Variants in PLCH2 observed in about 807,000 individuals in gnomAD.
PLCH2 encodes the protein 1-phosphatidylinositol 4,5-bisphosphate phosphodiesterase eta-2.
PLCH2 carries 98 observed loss-of-function variants against 134.7 expected under a neutral mutation model. The ratio of observed to expected loss-of-function variants is 0.73; its 90% CI spans 0.62 to 0.86. PLCH2 has a LOEUF of 0.86. PLCH2 is among the 40% of genes least tolerant of loss of function. PLCH2 has a pLI of 0.00. For synonymous variants in PLCH2, 974 were observed against 827.5 expected (o/e 1.18, Z -3.04); for missense variants, 1,994 against 1,986.6 (o/e 1.00, Z -0.07).
At chr1:2,432,653 G>A (rs1022064984) in intron 2 of PLCH2, among the ~76,000 whole-genome samples, 17 of 152,290 alleles carry the variant, frequency 1.1e-4, no homozygotes, top group African/African-American at 1.9e-4. Context: ...GAGGGTCTGA[G>A]CTGCCCAGAC....
rs143400582 is a variant in PLCH2 at position 2,504,832 on chromosome 1, G to A, written c.3870G>A (p.Ser1290=). ...TCCCGGGAGGGACACGGCGGGTGTC[G>A]GGGCCAGGGGTGAGACGGGACACCC... is the stretch of plus-strand genomic sequence containing the variant. ...LGLPGGTRRV[S]GPGVRRDTLT... is the part of the protein sequence containing the mutation. Residue 1290 remains serine (S), a synonymous_variant, in exon 22 of 22, where the codon TCG becomes TCA. Coordinates refer to ENST00000378486, the MANE Select transcript of PLCH2 (RefSeq NM_014638.4). 6.5e-3 allele frequency: 10,441 copies of A among 1,607,114 alleles called. 43 individuals carry two copies. Among genetic ancestry groups the A allele is most frequent in the Non-Finnish European group, 7.9e-3 (9,336 of 1,177,586 alleles).
chr1:2,440,767 TCA>T lies in PLCH2; in HGVS notation c.115+10141_115+10142del, dbSNP rs1171335575. Reference sequence around the variant, plus strand: ...CTCTGGCTCAGGATGGAGATTTCTTTCACAGTTTCCAATTTGCGTTTCGGTTT... The same window carrying T: ...CTCTGGCTCAGGATGGAGATTTCTTTCAGTTTCCAATTTGCGTTTCGGTTT... On this transcript the variant is annotated intron_variant, in intron 2 of 3. Coordinates refer to the PLCH2 transcript ENST00000609981. 1.3e-5 allele frequency among the ~76,000 whole-genome samples: 2 copies of T among 152,370 alleles called. 1 individual carries two copies. The highest frequency in any genetic ancestry group is 4.1e-4 in the South Asian group (2 of 4,830).
Position 2,504,692 on chromosome 1 carries a change from G to C in PLCH2, c.3730G>C (p.Gly1244Arg), listed in dbSNP as rs753818730. The change falls in exon 22 of 22, where the codon GGC becomes CGC. Residue 1244 changes from glycine (G) to arginine (R), a missense_variant. This residue lies in a region of PLCH2 where 900 missense variants were observed against 752.3 expected (regional missense o/e 1.20). Coordinates refer to ENST00000378486, the MANE Select transcript of PLCH2 (RefSeq NM_014638.4). ...RPPWGCLSLV[G>R]VQDCPVAAKS... ...TCCCTGGGGCTGCCTTTCCCTGGTG[G>C]GCGTGCAGGACTGCCCCGTGGCTGC... The C allele has an allele frequency of 5.6e-6, 9 of 1,612,536 alleles. No homozygotes were observed. The East Asian group carries it at 2.0e-4, about 36-fold the overall frequency.
At position 2,433,742 on chromosome 1, in the gene PLCH2, A is replaced by G. The variant is rs991677578; in HGVS notation, c.115+3113A>G. On this transcript the variant is annotated intron_variant, in intron 2 of 3. Transcript: ENST00000609981. ...GAAAATACAGAAAAAGACAAGGGAG[A>G]AAATCAGACCAGCCATTGCCATCCA... Among the ~76,000 whole-genome samples, 25 of 152,194 alleles carry G rather than the reference A, an allele frequency of 1.6e-4. 1 individual carries two copies. The highest frequency in any genetic ancestry group is 3.4e-4 in the Non-Finnish European group (23 of 68,030).
At position 2,448,122 on chromosome 1, in the gene PLCH2, C is replaced by T. The variant is rs987899657; in HGVS notation, c.115+17493C>T. On this transcript the variant is annotated intron_variant, in intron 2 of 3. Coordinates refer to the PLCH2 transcript ENST00000609981. The surrounding 1 kb of genome is among the most constrained non-coding windows in gnomAD (Gnocchi z 4.0). Reference sequence around the variant, plus strand: ...ACCCTTGTCAGGAACGCTTTGCTGACAGCTGGGCTGCCCTTGCCCTCCTGG... The same window carrying T: ...ACCCTTGTCAGGAACGCTTTGCTGATAGCTGGGCTGCCCTTGCCCTCCTGG... 6.6e-6 allele frequency among the ~76,000 whole-genome samples: 1 copy of T among 152,224 alleles called. No homozygotes were observed. The highest frequency in any genetic ancestry group is 1.5e-5 in the Non-Finnish European group (1 of 68,034).
Position 2,499,527 on chromosome 1 carries a change from G to A in PLCH2, c.2582-114G>A, listed in dbSNP as rs943506365. On this transcript the variant is annotated intron_variant, in intron 19 of 21. Transcript: ENST00000378486. Reference sequence around the variant, plus strand: ...CACAGGAGGCAGAGGCCCCAGGCCTGGGCTTGTTGGGTGTATCTGGGGTCT... The same window carrying A: ...CACAGGAGGCAGAGGCCCCAGGCCTAGGCTTGTTGGGTGTATCTGGGGTCT... The A allele has an allele frequency of 6.8e-5, 56 of 826,374 alleles. No individual in the cohort carries two copies. The Admixed American group carries it at 1.1e-3, about 16-fold the overall frequency. The allele number at this position is 826,374 out of a possible 1,614,324, so 51.2% of individuals were successfully genotyped here.
chr1:2,480,161 TG>T (rs1329577088), intron 3 of PLCH2, 21 bp from the exon 4 acceptor site: 1 of 1,612,338 alleles, frequency 6.2e-7, no homozygotes, highest in Non-Finnish European at 8.5e-7. Context: ...GGATCGCTGT[TG>T]GCCCCTAACT....
chr1:2,490,663 C>T (rs901826250), intron 10 of PLCH2, among the ~76,000 whole-genome samples: 9 of 152,368 alleles, frequency 5.9e-5, no homozygotes, highest in Middle Eastern at 3.4e-3. Context: ...GTGCGGCACA[C>T]GCCTCTGTGT....
chr1:2,474,998 C>T (rs970696355), upstream of PLCH2, among the ~76,000 whole-genome samples: 5 of 152,200 alleles, frequency 3.3e-5, no homozygotes, highest in South Asian at 2.1e-4. Context: ...TCTAATTCCA[C>T]GGCAGAGCCC....
At chr1:2,470,094 T>C (rs1641254688) in intron 1 of PLCH2, among the ~76,000 whole-genome samples, 1 of 152,204 alleles carries the variant, frequency 6.6e-6, no homozygotes, top group South Asian at 2.1e-4. Context: ...GGCCACACTG[T>C]CCTGGGAGTA....
At chr1:2,436,976 C>A (rs1639452992) in intron 2 of PLCH2, among the ~76,000 whole-genome samples, 1 of 152,192 alleles carries the variant, frequency 6.6e-6, no homozygotes, top group Non-Finnish European at 1.5e-5. Context: ...TGGGGGTGAG[C>A]ATGGGGACCT....
chr1:2,449,322 C>G (rs1640088818), intron 2 of PLCH2, among the ~76,000 whole-genome samples: 1 of 152,158 alleles, frequency 6.6e-6, no homozygotes, highest in African/African-American at 2.4e-5. Flanking sequence ...GAAACCCTGT[C>G]TCTACTCAAA....
chr1:2,490,918 A>G (rs901896911), intron 10 of PLCH2, among the ~76,000 whole-genome samples: 2 of 152,182 alleles, frequency 1.3e-5, no homozygotes, highest in African/African-American at 4.8e-5. Context: ...GGGACTCCAG[A>G]CCCTGTGCCG....
At chr1:2,442,709 C>T (rs1276383199) in intron 2 of PLCH2, among the ~76,000 whole-genome samples, 1 of 152,228 alleles carries the variant, frequency 6.6e-6, no homozygotes, top group Non-Finnish European at 1.5e-5. Context: ...TGTGGCTTCC[C>T]TCTAAGGCTG....
At chr1:2,497,773 G>A (rs1570477981) in intron 16 of PLCH2, 164 bp downstream of exon 16, 1 of 557,196 alleles carries the variant, frequency 1.8e-6, no homozygotes, top group Admixed American at 3.0e-5. Flanking sequence ...CAGGATGCTG[G>A]GGAGGTGGGT....
chr1:2,504,274 C>A lies in PLCH2; in HGVS notation c.3312C>A (p.Pro1104=), dbSNP rs368008129. The change falls in exon 22 of 22, where the codon CCC becomes CCA. Residue 1104 remains proline, a synonymous_variant. Transcript: ENST00000378486. ...GTGAGGGGCAGGTGCCCACGGAGCC[C>A]CTGGGAGGGTGGCGGCCCCTGGCCG... is the stretch of plus-strand genomic sequence containing the variant. ...VKSEGQVPTE[P]LGGWRPLAAP... is the part of the protein sequence containing the mutation. The A allele has an allele frequency of 1.9e-6, 3 of 1,595,364 alleles. No individual in the cohort carries two copies. The East Asian group carries it at 6.7e-5, about 36-fold the overall frequency.
rs990608338 is a variant in PLCH2 at position 2,477,798 on chromosome 1, C to T, written c.125-678C>T. Among the ~76,000 whole-genome samples the T allele has an allele frequency of 5.3e-5, 8 of 152,170 alleles. 1 individual carries two copies. The South Asian group carries it at 6.2e-4, about 12-fold the overall frequency. On this transcript the variant is annotated intron_variant, in intron 1 of 21. Coordinates refer to ENST00000378486, the MANE Select transcript of PLCH2 (RefSeq NM_014638.4). Reference sequence around the variant, plus strand: ...CCATACTGCAGTGCAGGGCGTGCGACGCAGACATTCATGGCACCATTCGTG... The same window carrying T: ...CCATACTGCAGTGCAGGGCGTGCGATGCAGACATTCATGGCACCATTCGTG...
In PLCH2 at chr1:2,484,479, T is replaced by TG. The variant is rs1642186183; in HGVS notation, c.680dup (p.Glu229Ter). 1.2e-6 allele frequency: 2 copies of TG among 1,613,132 alleles called. No homozygotes were observed. Among genetic ancestry groups the TG allele is most frequent in the Non-Finnish European group, 1.7e-6 (2 of 1,179,744 alleles). Reference sequence around the variant, plus strand: ...GACACGGATGACCACCAAGGGACGCTGGGTTTTGAAGAGTTCTGTGCCTTC... The same window carrying TG: ...GACACGGATGACCACCAAGGGACGCTGGGGTTTTGAAGAGTTCTGTGCCTTC... On this transcript the variant is annotated frameshift_variant, in exon 5 of 22. Transcript: ENST00000378486. LOFTEE classifies it high-confidence loss of function.
At chr1:2,443,590 C>G (rs1211506886) in intron 2 of PLCH2, among the ~76,000 whole-genome samples, 7 of 70,346 alleles carry the variant, frequency 1.0e-4, no homozygotes, top group African/African-American at 4.0e-4. Flanking sequence ...CAGGGCGGGC[C>G]GGCTAGCCCC....
Sources: allele counts gnomAD v4.1 joint callset (sites outside exome capture counted in the v4.1 genomes callset), GRCh38; gene constraint gnomAD v4.1.1; regional missense constraint gnomAD v4.1.1; non-coding constraint Gnocchi (gnomAD v3.1); transcripts MANE v1.5; gene names NCBI Gene and HGNC (gene_info 2026-07-23, HGNC 2026-07-21).